The following GSN variants were observed in gnomAD, a reference collection of about 807,000 sequenced individuals.
GSN encodes the protein actin-depolymerizing factor.
A neutral mutation model predicts 85.7 loss-of-function variants in GSN; 56 were observed. The ratio of observed to expected loss-of-function variants is 0.65; its 90% CI spans 0.53 to 0.82. The LOEUF is 0.82. GSN is among the 40% of genes least tolerant of loss of function. GSN has a pLI of 0.00. For missense variants in GSN, 857 were observed against 979.8 expected, an observed-to-expected ratio of 0.87 and a Z score of 1.67; for synonymous variants, 373 against 399.1, an observed-to-expected ratio of 0.93 and a Z score of 0.78.
chr9:121,318,892 G>T lies in GSN; in HGVS notation c.1191+12G>T. 1 of 1,605,428 alleles carries T rather than the reference G, an allele frequency of 6.2e-7. No individual in the cohort carries two copies. On this transcript the variant is annotated intron_variant, in intron 10 of 17. Coordinates refer to ENST00000432226, the MANE Select transcript of GSN (RefSeq NM_198252.3). This position sits in a 1 kb window ranked among gnomAD's most constrained non-coding sequence, Gnocchi z 4.3. ...CAGGCCAGAAACAGGTACGTTTAGG[G>T]CGTGGGGTGGGTGTGTCCAGGCCCC...
At chr9:121,252,099 C>A (rs2054851174) in intron 6 of GSN, among the ~76,000 whole-genome samples, 1 of 152,134 alleles carries the variant, frequency 6.6e-6, no homozygotes, top group Non-Finnish European at 1.5e-5. Context: ...GGAAGTCAGT[C>A]CCATAGAACT....
At chr9:121,316,701 G>T (rs1480094581) in intron 7 of GSN, among the ~76,000 whole-genome samples, 1 of 152,142 alleles carries the variant, frequency 6.6e-6, no homozygotes, top group East Asian at 1.9e-4. Flanking sequence ...GAACTCCTGG[G>T]CTCAAGCCAT....
chr9:121,320,705 A>T (rs557727506), intron 10 of GSN, among the ~76,000 whole-genome samples: 1 of 151,988 alleles, frequency 6.6e-6, no homozygotes. Flanking sequence ...GTAACAATAG[A>T]GGTAATGGTG....
chr9:121,320,442 C>T (rs1359484074), intron 10 of GSN, among the ~76,000 whole-genome samples: 4 of 152,070 alleles, frequency 2.6e-5, no homozygotes, highest in Non-Finnish European at 5.9e-5. Flanking sequence ...GTCAGGAGTT[C>T]GAGACCAGCC....
At chr9:121,233,785 C>T (rs957125018) in intron 5 of GSN, among the ~76,000 whole-genome samples, 3 of 152,166 alleles carry the variant, frequency 2.0e-5, no homozygotes, top group Non-Finnish European at 4.4e-5. Flanking sequence ...CTAGCAAGGC[C>T]TAGAGTCTCA....
chr9:121,262,235 T>G (rs1032476356), intron 6 of GSN, among the ~76,000 whole-genome samples: 1 of 152,200 alleles, frequency 6.6e-6, no homozygotes, highest in Non-Finnish European at 1.5e-5. Flanking sequence ...CTTGGCCTTC[T>G]TTCACTCTGG....
At chr9:121,260,963 C>CTGTT (rs1033513855) in intron 6 of GSN, among the ~76,000 whole-genome samples, 2 of 152,166 alleles carry the variant, frequency 1.3e-5, no homozygotes, top group African/African-American at 4.8e-5. Flanking sequence ...GTTTGTTTGT[C>CTGTT]TGTTTGTTTG....
At chr9:121,225,813 TC>T (rs2054262636) in intron 4 of GSN, among the ~76,000 whole-genome samples, 1 of 152,140 alleles carries the variant, frequency 6.6e-6, no homozygotes, top group Non-Finnish European at 1.5e-5. Context: ...TATTTTTTCT[TC>T]TTTTTTTGGA....
chr9:121,252,127 A>G (rs2054852033), intron 6 of GSN, among the ~76,000 whole-genome samples: 1 of 152,204 alleles, frequency 6.6e-6, no homozygotes, highest in Non-Finnish European at 1.5e-5. Flanking sequence ...TGATGGGGGT[A>G]TATAAAAAGA....
rs1231275782 is a variant in GSN, at chr9:121,302,177, G to GCCCTGCCCAGC, written c.196+19_196+29dup. The GCCCTGCCCAGC allele has an allele frequency of 5.0e-6, 8 of 1,611,792 alleles. No homozygotes were observed. The highest frequency in any genetic ancestry group is 6.8e-6 in the Non-Finnish European group (8 of 1,179,478). On this transcript the variant is annotated intron_variant, in intron 3 of 17. Transcript: ENST00000432226. ...CTCCACTACTGGCTGGGTGAGGCTGGCCCTGCCCAGCCCCTGCCCCAGCCC... is the reference window on the plus strand; with the variant it reads ...CTCCACTACTGGCTGGGTGAGGCTGGCCCTGCCCAGCCCCTGCCCAGCCCCTGCCCCAGCCC...
At chr9:121,263,458 A>G (rs1343557894), upstream of GSN, among the ~76,000 whole-genome samples, 1 of 152,234 alleles carries the variant, frequency 6.6e-6, no homozygotes, top group Non-Finnish European at 1.5e-5. Flanking sequence ...TGAAGGAAAG[A>G]GGTTTAATTG....
intron 2 of GSN, among the ~76,000 whole-genome samples, chr9:121,287,216 C>T (rs2132764149): frequency 6.6e-6 from 1 of 152,212 alleles, no homozygotes; most frequent in South Asian, 2.1e-4. Context: ...TGACTCAGCC[C>T]TGAGTCACCG....
chr9:121,214,939 A>G (rs2054033190), intron 4 of GSN, among the ~76,000 whole-genome samples: 1 of 152,144 alleles, frequency 6.6e-6, no homozygotes, highest in Admixed American at 6.5e-5. Flanking sequence ...AGTACCATGA[A>G]CTGGGTGGCT....
intron 4 of GSN, among the ~76,000 whole-genome samples, chr9:121,304,106 T>A (rs1486256325): frequency 6.6e-6 from 1 of 152,190 alleles, no homozygotes; most frequent in African/African-American, 2.4e-5. Context: ...TGTGTGACCT[T>A]AGAGAAGTCA....
At chr9:121,321,140 C>A in intron 10 of GSN, 128 bp from the exon 11 acceptor site, 2 of 1,019,426 alleles carry the variant, frequency 2.0e-6, no homozygotes, top group Non-Finnish European at 3.1e-6. Flanking sequence ...TAACTCCAGT[C>A]CGAGCCCAAG....
chr9:121,267,594 C>T (rs1484657452), upstream of GSN, among the ~76,000 whole-genome samples: 1 of 152,156 alleles, frequency 6.6e-6, no homozygotes, highest in Non-Finnish European at 1.5e-5. Context: ...CTTCTGACTC[C>T]GAGGCGCCTG....
At chr9:121,286,353 G>T (rs1488792266) in intron 2 of GSN, among the ~76,000 whole-genome samples, 1 of 152,220 alleles carries the variant, frequency 6.6e-6, no homozygotes, top group African/African-American at 2.4e-5. Context: ...AAAATCCTCA[G>T]TGTGTCCGGT....
At chr9:121,253,726 G>C (rs1194252184) in intron 6 of GSN, among the ~76,000 whole-genome samples, 1 of 152,164 alleles carries the variant, frequency 6.6e-6, no homozygotes, top group Non-Finnish European at 1.5e-5. Context: ...TGCAGGAACT[G>C]GCGGTTCTCT....
At chr9:121,239,763 T>C in intron 5 of GSN, 1 of 270,408 alleles carries the variant, frequency 3.7e-6, no homozygotes. Context: ...CCTCAGACAC[T>C]GATGTTTGGA....
Sources: allele counts gnomAD v4.1 joint callset (sites outside exome capture counted in the v4.1 genomes callset), GRCh38; gene constraint gnomAD v4.1.1; non-coding constraint Gnocchi (gnomAD v3.1); transcripts MANE v1.5; gene names NCBI Gene and HGNC (gene_info 2026-07-23, HGNC 2026-07-21).